Variants in CELF4 observed in about 807,000 individuals in gnomAD.
CELF4 encodes the protein CUG-BP- and ETR-3-like factor 4.
CELF4 carries 18 observed loss-of-function variants against 59.9 expected under a neutral mutation model. The observed-to-expected ratio is 0.30, with a 90% CI of 0.21 to 0.45. CELF4 has a LOEUF of 0.45. Among genes scored for constraint, CELF4 ranks in the 20% least tolerant of loss-of-function variants. The probability of loss-of-function intolerance (pLI) is 1.00; values close to 1 mark genes in which losing one functional copy is unlikely to be tolerated. For missense variants in CELF4, 456 were observed against 689.0 expected, an observed-to-expected ratio of 0.66 and a Z score of 3.79; for synonymous variants, 261 against 267.1, an observed-to-expected ratio of 0.98 and a Z score of 0.22.
At chr18:37,518,631 G>C (rs770579800) in intron 1 of CELF4, among the ~76,000 whole-genome samples, 1 of 152,050 alleles carries the variant, frequency 6.6e-6, no homozygotes, top group Non-Finnish European at 1.5e-5. Flanking sequence ...GCTCCTGAAG[G>C]CTGCTGGGGC....
intron 2 of CELF4, among the ~76,000 whole-genome samples, chr18:37,343,599 G>A (rs1163739914): frequency 6.6e-6 from 1 of 151,926 alleles, no homozygotes; most frequent in Non-Finnish European, 1.5e-5. Flanking sequence ...GGTTGCGTGT[G>A]TATATGTGGG....
chr18:37,403,863 T>G lies in CELF4; in HGVS notation c.369+81662A>C, dbSNP rs2099356096. 3.9e-5 allele frequency among the ~76,000 whole-genome samples: 6 copies of G among 152,196 alleles called. No individual in the cohort carries two copies. In the South Asian group the frequency reaches 1.2e-3, roughly 31 times the overall value. ...TACCCTCTTCTGAGATGGTCTCAGC[T>G]ACACAGACTCCCCTGGATTTAGCCC... On this transcript the variant is annotated intron_variant, in intron 2 of 12. Transcript: ENST00000420428.
At chr18:37,443,256 G>A (rs1045244616) in intron 2 of CELF4, among the ~76,000 whole-genome samples, 3 of 152,042 alleles carry the variant, frequency 2.0e-5, no homozygotes, top group African/African-American at 7.2e-5. Flanking sequence ...GCTTATAAAA[G>A]TGGAAAAGTA....
At chr18:37,483,198 C>A (rs1178318333) in intron 2 of CELF4, among the ~76,000 whole-genome samples, 1 of 152,188 alleles carries the variant, frequency 6.6e-6, no homozygotes, top group Non-Finnish European at 1.5e-5. Context: ...GAGAACCAAC[C>A]AACAGCAATA....
In CELF4 at chr18:37,337,410, C is replaced by T. The variant is rs139859873; in HGVS notation, c.370-15529G>A. ...CACAGCTCCTGTGTCCCCAGAGACC[C>T]GGCTCTCTAGCTAGGACCCTCCTTC... is the stretch of plus-strand genomic sequence containing the variant. On this transcript the variant is annotated intron_variant, in intron 2 of 12. Transcript: ENST00000420428. 1.4e-4 allele frequency among the ~76,000 whole-genome samples: 21 copies of T among 152,282 alleles called. No individual in the cohort carries two copies. The East Asian group carries it at 1.5e-3, about 11-fold the overall frequency.
intron 2 of CELF4, among the ~76,000 whole-genome samples, chr18:37,368,904 C>G (rs187083859): frequency 6.6e-6 from 1 of 152,228 alleles, no homozygotes; most frequent in East Asian, 1.9e-4. Context: ...CCTGGGCATC[C>G]CTGTTTGGGG....
intron 1 of CELF4, among the ~76,000 whole-genome samples, chr18:37,509,627 A>G (rs573824226): frequency 6.6e-6 from 1 of 152,384 alleles, no homozygotes; most frequent in East Asian, 1.9e-4. Context: ...ATAAGAAGGC[A>G]TAAGCCGTAT....
In CELF4 at chr18:37,481,090, C is replaced by T. The variant is rs142455899; in HGVS notation, c.369+4435G>A. Among the ~76,000 whole-genome samples the T allele has an allele frequency of 9.2e-3, 1,394 of 152,118 alleles. 5 individuals carry two copies. Among genetic ancestry groups the T allele is most frequent in the Non-Finnish European group, 0.016 (1,065 of 67,996 alleles). On this transcript the variant is annotated intron_variant, in intron 2 of 12. Coordinates refer to ENST00000420428, the MANE Select transcript of CELF4 (RefSeq NM_020180.4). ...TGACCTGAGTCAGGAGGCGTGATGG[C>T]GGGACTCTGCATGTCTGCCAGGCTG...
intron 3 of CELF4, among the ~76,000 whole-genome samples, chr18:37,319,125 G>T (rs1022440241): frequency 1.3e-5 from 2 of 152,224 alleles, no homozygotes; most frequent in African/African-American, 4.8e-5. Flanking sequence ...CTGCCTCCTG[G>T]CCGGGCCGTG....
At chr18:37,496,037 CTG>C (rs1413316009) in intron 1 of CELF4, among the ~76,000 whole-genome samples, 1 of 152,082 alleles carries the variant, frequency 6.6e-6, no homozygotes, top group Non-Finnish European at 1.5e-5. Context: ...GACCATATCA[CTG>C]TGGGCCTTTT....
At chr18:37,380,200 C>T (rs1172347464) in intron 2 of CELF4, among the ~76,000 whole-genome samples, 1 of 152,190 alleles carries the variant, frequency 6.6e-6, no homozygotes, top group Middle Eastern at 3.2e-3. Flanking sequence ...TCACCTCCCT[C>T]TTGGACCAGC....
chr18:37,319,039 GA>G (rs1363596409), intron 3 of CELF4, among the ~76,000 whole-genome samples: 1 of 152,182 alleles, frequency 6.6e-6, no homozygotes, highest in African/African-American at 2.4e-5. Context: ...CCGCCTGGGG[GA>G]TCTCCTCTCC....
chr18:37,406,413 A>G (rs1287625538), intron 2 of CELF4, among the ~76,000 whole-genome samples: 1 of 152,148 alleles, frequency 6.6e-6, no homozygotes, highest in Non-Finnish European at 1.5e-5. Flanking sequence ...TCTGCCTCCC[A>G]CATACGTCCC....
chr18:37,361,045 C>A (rs2098695586), intron 2 of CELF4, among the ~76,000 whole-genome samples: 1 of 152,026 alleles, frequency 6.6e-6, no homozygotes, highest in Non-Finnish European at 1.5e-5. Context: ...CATGCCCCTC[C>A]CCACTCATGT....
intron 2 of CELF4, among the ~76,000 whole-genome samples, chr18:37,339,599 C>T (rs927525357): frequency 1.3e-5 from 2 of 152,006 alleles, no homozygotes; most frequent in South Asian, 2.1e-4. Flanking sequence ...ACTAAAAATA[C>T]AAAACATAAC....
intron 9 of CELF4, 127 bp downstream of exon 9, chr18:37,266,406 C>T: frequency 1.0e-6 from 1 of 994,518 alleles, no homozygotes; most frequent in Middle Eastern, 3.1e-4. Context: ...GCACAGCCCT[C>T]CCTCTTTCCA....
At chr18:37,452,161 A>G (rs1197958055) in intron 2 of CELF4, among the ~76,000 whole-genome samples, 1 of 152,210 alleles carries the variant, frequency 6.6e-6, no homozygotes, top group African/African-American at 2.4e-5. Context: ...GGCTGAATGC[A>G]CGCCACCCTG....
chr18:37,537,398 G>C (rs1343075926), intron 1 of CELF4, among the ~76,000 whole-genome samples: 3 of 152,222 alleles, frequency 2.0e-5, no homozygotes, highest in Non-Finnish European at 4.4e-5. Context: ...CCAAGAGAAA[G>C]AGTTCCCAGC....
chr18:37,403,752 T>C (rs1222291115), intron 2 of CELF4, among the ~76,000 whole-genome samples: 3 of 152,170 alleles, frequency 2.0e-5, no homozygotes, highest in African/African-American at 4.8e-5. Context: ...GGAGTTTACA[T>C]AGCGCACATG....
Sources: gnomAD v4.1 joint callset for allele counts (sites outside exome capture counted in the v4.1 genomes callset) on GRCh38, gnomAD v4.1.1 for gene constraint, MANE v1.5 for transcripts, NCBI Gene and HGNC (gene_info 2026-07-23, HGNC 2026-07-21) for gene names.